Variants in ATP13A1 observed in about 807,000 individuals in gnomAD.
ATP13A1 encodes ATPase 13A1.
Under a neutral mutation model 134.8 loss-of-function variants are expected in ATP13A1, and 55 were observed. That is an observed-to-expected ratio of 0.41 (90% CI 0.33 to 0.51). ATP13A1 has a LOEUF of 0.51. Among genes scored for constraint, ATP13A1 ranks in the 20% least tolerant of loss-of-function variants. ATP13A1 has a pLI of 0.29. For synonymous variants in ATP13A1, 775 were observed against 725.1 expected (o/e 1.07, Z -1.10); for missense variants, 1,389 against 1,652.8 (o/e 0.84, Z 2.77).
At position 19,645,473 on chromosome 19, in the gene ATP13A1, G is replaced by A. The variant is rs774798107; in HGVS notation, c.3564C>T (p.Asp1188=). 27 of 1,608,838 alleles carry A rather than the reference G, an allele frequency of 1.7e-5. No homozygotes were observed. In the African/African-American group the frequency reaches 2.1e-4, roughly 13 times the overall value. Reference sequence around the variant, plus strand: ...TCCCCAGGAAGAACTGCAGGACGCGGTCGGCCAGGAGCGCCAGGCAGAAGT... The same window carrying A: ...TCCCCAGGAAGAACTGCAGGACGCGATCGGCCAGGAGCGCCAGGCAGAAGT... ...LLDFCLALLA[D]RVLQFFLGTP... is the part of the protein sequence containing the mutation. Residue 1188 remains aspartate, a synonymous_variant, in exon 26 of 26, where the codon GAC becomes GAT. Transcript: ENST00000357324. This position sits in a 1 kb window ranked among gnomAD's most constrained non-coding sequence, Gnocchi z 4.1.
rs532534062 is a variant in ATP13A1 at position 19,656,276 on chromosome 19, G to A, written c.1084-93C>T. 10 of 1,499,498 alleles carry A rather than the reference G, an allele frequency of 6.7e-6. No individual in the cohort carries two copies. The highest frequency in any genetic ancestry group is 6.3e-5 in the Admixed American group (3 of 47,802). The allele number at this position is 1,499,498 out of a possible 1,614,324, so 92.9% of individuals were successfully genotyped here. A position where few individuals can be genotyped will look rare whatever the true frequency, so the allele number is the denominator to read the frequency against. ...GACAGCTGGACCTTGAGGCTGGAAT[G>A]AGCCAGGGGGATCCCCACCCGACCA... is the stretch of plus-strand genomic sequence containing the variant. On this transcript the variant is annotated intron_variant, in intron 7 of 25. Transcript: ENST00000357324. The surrounding 1 kb of genome is among the most constrained non-coding windows in gnomAD (Gnocchi z 4.6).
Position 19,645,946 on chromosome 19 carries a change from T to G in ATP13A1, c.3288A>C (p.Pro1096=). 1.2e-6 allele frequency: 2 copies of G among 1,613,478 alleles called. No individual in the cohort carries two copies. Among genetic ancestry groups the G allele is most frequent in the Non-Finnish European group, 1.7e-6 (2 of 1,179,874 alleles). The part of the protein sequence containing the change: ...QFVDLYKEFE[P]SLVNSTVYIM... ...TGTAGACGGTGCTGTTGACCAGGCT[T>G]GGCTCAAACTCCTTGTACAAGTCCA... Residue 1096 remains proline (P), a synonymous_variant, in exon 24 of 26, where the codon CCA becomes CCC. Transcript: ENST00000357324. This position sits in a 1 kb window ranked among gnomAD's most constrained non-coding sequence, Gnocchi z 4.1.
In ATP13A1 at chr19:19,654,655, T is replaced by C. The variant is rs2062045723; in HGVS notation, c.1701A>G (p.Thr567=). The C allele has an allele frequency of 6.2e-7, 1 of 1,613,410 alleles. No homozygotes were observed. Among genetic ancestry groups the C allele is most frequent in the Admixed American group, 1.7e-5 (1 of 59,996 alleles). The change falls in exon 13 of 26, where the codon ACA becomes ACG. Residue 567 remains threonine (T), a synonymous_variant. Coordinates refer to ENST00000357324, the MANE Select transcript of ATP13A1 (RefSeq NM_020410.3). ...VTPVSSIPVE[T]HRALASCHSL... is the part of the protein sequence containing the mutation. ...AGTGGCACGAGGCCAGGGCCCGGTG[T>C]GTTTCTACAGGGATGCTGGACACTG...
Position 19,653,888 on chromosome 19 carries a change from G to C in ATP13A1, c.1996C>G (p.Gln666Glu). 6.4e-7 allele frequency: 1 copy of C among 1,567,896 alleles called. No homozygotes were observed. The highest frequency in any genetic ancestry group is 1.2e-5 in the South Asian group (1 of 85,230). The change falls in exon 15 of 26, where the codon CAG (glutamine) becomes GAG (glutamate). Residue 666 changes from glutamine (Q) to glutamate (E), a missense_variant. Coordinates refer to ENST00000357324, the MANE Select transcript of ATP13A1 (RefSeq NM_020410.3). This position sits in a 1 kb window ranked among gnomAD's most constrained non-coding sequence, Gnocchi z 4.2. ...APETLHSMFS[Q>E]CPPDYHHIHT... ...ATGTGGTGGTAGTCGGGCGGGCACT[G>C]GGAGAACTGCAGGGAATGCAGGGGG...
At position 19,654,114 on chromosome 19, in the gene ATP13A1, GTT is replaced by G; in HGVS notation, c.1842_1843del (p.Lys614AsnfsTer26). ...GCGCTGGTGAATTTTCAGCCCCTGA[GTT>G]TTAATACTTCGGGGGAATACTTTCT... On this transcript the variant is annotated frameshift_variant, in exon 14 of 26. Transcript: ENST00000357324. LOFTEE classifies it high-confidence loss of function. 1 of 1,592,068 alleles carries G rather than the reference GTT, an allele frequency of 6.3e-7. No individual in the cohort carries two copies. Among genetic ancestry groups the G allele is most frequent in the Non-Finnish European group, 8.6e-7 (1 of 1,169,406 alleles).
rs767356591 is a variant in ATP13A1, at chr19:19,645,794, T to C, written c.3361-4A>G. The stretch of plus-strand genomic sequence containing the variant: ...GGCTCTCCATGAAGGGCGGGCCCTG[T>C]GGGGATGAGGGACAGATGGCTTCAT... On this transcript the variant is annotated splice_region_variant and splice_polypyrimidine_tract_variant and intron_variant, in intron 24 of 25. Coordinates refer to ENST00000357324, the MANE Select transcript of ATP13A1 (RefSeq NM_020410.3). The surrounding 1 kb of genome is among the most constrained non-coding windows in gnomAD (Gnocchi z 4.1). The C allele has an allele frequency of 9.3e-7, 1 of 1,073,296 alleles. No individual in the cohort carries two copies. Among genetic ancestry groups the C allele is most frequent in the East Asian group, 5.7e-5 (1 of 17,400 alleles). 66.5% of individuals were successfully genotyped at this position (1,073,296 alleles called of 1,614,324 possible).
rs1375081700 is a variant in ATP13A1 at position 19,663,436 on chromosome 19, G to A, written c.231C>T (p.Ala77=). Residue 77 remains alanine, a synonymous_variant, in exon 1 of 26, where the codon GCC becomes GCT. Coordinates refer to ENST00000357324, the MANE Select transcript of ATP13A1 (RefSeq NM_020410.3). ...AGCCAGCGGCTGCGGCACCCAACCA[G>A]GCCGGGTAAAGCAGCCCGGCGAATG... ...VLPFAGLLYP[A]WLGAAAAGCW... 6.4e-7 allele frequency: 1 copy of A among 1,566,110 alleles called. No homozygotes were observed. Among genetic ancestry groups the A allele is most frequent in the African/African-American group, 1.4e-5 (1 of 73,790 alleles).
chr19:19,652,395 TGGA>T (rs1183503435), intron 16 of ATP13A1, among the ~76,000 whole-genome samples, 197 bp downstream of exon 16: 6 of 152,044 alleles, frequency 3.9e-5, no homozygotes, highest in Non-Finnish European at 8.8e-5. Context: ...GAGTGGTCTG[TGGA>T]GGAGAGAGGA....
At chr19:19,646,655 C>A in intron 22 of ATP13A1, 1 of 448,312 alleles carries the variant, frequency 2.2e-6, no homozygotes, top group Non-Finnish European at 4.1e-6. Flanking sequence ...TCCCGCCCAG[C>A]CAATCTCCCA....
Position 19,659,585 on chromosome 19 carries a change from C to A in ATP13A1, c.677+16G>T. On this transcript the variant is annotated intron_variant, in intron 3 of 25. Coordinates refer to ENST00000357324, the MANE Select transcript of ATP13A1 (RefSeq NM_020410.3). The stretch of plus-strand genomic sequence containing the variant: ...GACAGAAAGGCAAAGGTGCTACAGG[C>A]AAATCAAGGACTCACTTGTTGCTCC... 6.2e-7 allele frequency: 1 copy of A among 1,601,478 alleles called. No homozygotes were observed.
In ATP13A1 at chr19:19,647,346, A is replaced by AGGTGTG. The variant is rs755519879; in HGVS notation, c.2909-27_2909-22dup. ...GCAGACTGCAGGGTGGTGGGGAGGCAGGTGTGGGTGTGGGTAGGGGTGCCA... is the reference window on the plus strand; with the variant it reads ...GCAGACTGCAGGGTGGTGGGGAGGCAGGTGTGGGTGTGGGTGTGGGTAGGGGTGCCA... On this transcript the variant is annotated intron_variant, in intron 21 of 25. Transcript: ENST00000357324. The surrounding 1 kb of genome is among the most constrained non-coding windows in gnomAD (Gnocchi z 4.8). The AGGTGTG allele has an allele frequency of 1.7e-5, 24 of 1,413,194 alleles. No individual in the cohort carries two copies. The South Asian group carries it at 2.7e-4, about 16-fold the overall frequency. The allele number at this position is 1,413,194 out of a possible 1,614,324, so 87.5% of individuals were successfully genotyped here. A position where few individuals can be genotyped will look rare whatever the true frequency, so the allele number is the denominator to read the frequency against.
At position 19,663,633 on chromosome 19, in the gene ATP13A1, G is replaced by GCACCGCGTTGCC. The variant is rs997883884; in HGVS notation, c.22_33dup (p.Gly8_Val11dup). 39 of 1,323,714 alleles carry GCACCGCGTTGCC rather than the reference G, an allele frequency of 2.9e-5. No homozygotes were observed. In the African/African-American group the frequency reaches 5.4e-4, roughly 18 times the overall value. The allele number at this position is 1,323,714 out of a possible 1,614,324, so 82.0% of individuals were successfully genotyped here. On this transcript the variant is annotated inframe_insertion, in exon 1 of 26. Coordinates refer to ENST00000357324, the MANE Select transcript of ATP13A1 (RefSeq NM_020410.3). ...ACCCCGCAAGGCCGGGCCCCGCAGGGCACCGCGTTGCCCACCGCCGCCGCT... is the reference window on the plus strand; with the variant it reads ...ACCCCGCAAGGCCGGGCCCCGCAGGGCACCGCGTTGCCCACCGCGTTGCCCACCGCCGCCGCT...
intron 16 of ATP13A1, among the ~76,000 whole-genome samples, chr19:19,652,073 G>A (rs1294119037): frequency 6.6e-6 from 1 of 152,094 alleles, no homozygotes. Context: ...TTTTGGCTTG[G>A]TAGCTGCCCA....
chr19:19,652,771 C>A, intron 15 of ATP13A1, 51 bp from the exon 16 acceptor site: 1 of 1,557,274 alleles, frequency 6.4e-7, no homozygotes, highest in Non-Finnish European at 8.7e-7. Flanking sequence ...TCTGCCCACA[C>A]TCTGCATTTC....
chr19:19,655,938 G>T lies in ATP13A1; in HGVS notation c.1214-5C>A. On this transcript the variant is annotated splice_region_variant and splice_polypyrimidine_tract_variant and intron_variant, in intron 8 of 25. Transcript: ENST00000357324. This position sits in a 1 kb window ranked among gnomAD's most constrained non-coding sequence, Gnocchi z 5.7. ...CCACGCACCCGCTGTCAACCGCTGG[G>T]GAGAGAAGCAGAGTCACCGTCATGC... The T allele has an allele frequency of 6.2e-7, 1 of 1,603,680 alleles. No homozygotes were observed. Among genetic ancestry groups the T allele is most frequent in the Non-Finnish European group, 8.5e-7 (1 of 1,178,388 alleles).
At chr19:19,649,720 C>G (rs948576648) in intron 18 of ATP13A1, 21 bp downstream of exon 18, 4 of 1,611,898 alleles carry the variant, frequency 2.5e-6, no homozygotes, top group Admixed American at 3.3e-5. Flanking sequence ...GTGCCCCTGA[C>G]CCCTAGGGCT....
chr19:19,646,890 G>A (rs1294468851), intron 22 of ATP13A1: 1 of 555,598 alleles, frequency 1.8e-6, no homozygotes, highest in Non-Finnish European at 3.2e-6. Context: ...GGCTCTGTGG[G>A]GCCCACCCCT....
rs763213802 is a variant in ATP13A1, at chr19:19,647,155, A to T, written c.3079T>A (p.Cys1027Ser). The T allele has an allele frequency of 1.2e-6, 2 of 1,613,298 alleles. No individual in the cohort carries two copies. Among genetic ancestry groups the T allele is most frequent in the Admixed American group, 3.3e-5 (2 of 59,972 alleles). The change falls in exon 22 of 26, where the codon TGC becomes AGC. Residue 1027 changes from cysteine (C) to serine (S), a missense_variant. Coordinates refer to ENST00000357324, the MANE Select transcript of ATP13A1 (RefSeq NM_020410.3). The surrounding 1 kb of genome is among the most constrained non-coding windows in gnomAD (Gnocchi z 4.8). ...TTGGAACGGGAGATGAAGAGGAAGC[A>T]GCCGGCCAGCAGCAGCCCCTGTAGG... Reference protein sequence around the residue: ...ATLQGLLLAGCFLFISRSKPL... With the variant: ...ATLQGLLLAGSFLFISRSKPL...
At chr19:19,652,879 G>A in intron 15 of ATP13A1, 159 bp from the exon 16 acceptor site, 1 of 1,064,942 alleles carries the variant, frequency 9.4e-7, no homozygotes. Flanking sequence ...AATGCCAGGA[G>A]GGTACCAGGC....
Sources: allele counts gnomAD v4.1 joint callset (sites outside exome capture counted in the v4.1 genomes callset), GRCh38; gene constraint gnomAD v4.1.1; non-coding constraint Gnocchi (gnomAD v3.1); transcripts MANE v1.5; gene names NCBI Gene and HGNC (gene_info 2026-07-23, HGNC 2026-07-21).